Variants in SF3B1 observed in about 807,000 individuals in gnomAD.
SF3B1 encodes the protein pre-mRNA processing 10.
A neutral mutation model predicts 153.8 loss-of-function variants in SF3B1; 12 were observed. The observed-to-expected ratio is 0.08, with a 90% CI of 0.05 to 0.13. The LOEUF (loss-of-function observed/expected upper bound fraction) is 0.13. Among genes scored for constraint, SF3B1 ranks in the 10% least tolerant of loss-of-function variants. SF3B1 has a pLI of 1.00. For synonymous variants in SF3B1, 498 were observed against 525.2 expected, an observed-to-expected ratio of 0.95 and a Z score of 0.71; for missense variants, 513 against 1,606.1, an observed-to-expected ratio of 0.32 and a Z score of 11.63.
intron 23 of SF3B1, among the ~76,000 whole-genome samples, chr2:197,395,449 A>G (rs767844239): frequency 2.6e-5 from 4 of 152,240 alleles, no homozygotes; most frequent in Non-Finnish European, 4.4e-5. Flanking sequence ...AGAGCCAGTG[A>G]AACAGTTCTT....
intron 1 of SF3B1, 59 bp downstream of exon 1, chr2:197,434,913 A>G (rs2106031027): frequency 6.4e-7 from 1 of 1,562,958 alleles, no homozygotes; most frequent in Non-Finnish European, 8.8e-7. Context: ...ATCCTAGGAA[A>G]AAAGGCTTTT....
intron 22 of SF3B1, 107 bp from the exon 23 acceptor site, chr2:197,396,435 A>T: frequency 2.3e-6 from 2 of 858,450 alleles, no homozygotes; most frequent in Non-Finnish European, 3.5e-6. Flanking sequence ...AATTACAGGG[A>T]ACTCAGTAAT....
rs184406776 is a variant in SF3B1 at position 197,414,857 on chromosome 2, A to G, written c.666+1884T>C. 2.0e-3 allele frequency among the ~76,000 whole-genome samples: 298 copies of G among 152,134 alleles called. 3 individuals carry two copies. Among genetic ancestry groups the G allele is most frequent in the Admixed American group, 0.016 (247 of 15,258 alleles). ...CGTTTCTACAAAAAAATAAAAAACT[A>G]GCCAGGCATGGTGGTACGTGTCTAT... On this transcript the variant is annotated intron_variant, in intron 6 of 24. Coordinates refer to ENST00000335508, the MANE Select transcript of SF3B1 (RefSeq NM_012433.4).
intron 22 of SF3B1, among the ~76,000 whole-genome samples, chr2:197,397,214 GTGCCCAGA>G (rs879562863): frequency 2.0e-5 from 3 of 152,012 alleles, no homozygotes; most frequent in African/African-American, 7.2e-5. Flanking sequence ...TGTCGCCCAG[GTGCCCAGA>G]TGCCCAGGTT....
intron 6 of SF3B1, among the ~76,000 whole-genome samples, chr2:197,414,393 G>A (rs2085117227): frequency 6.6e-6 from 1 of 152,116 alleles, no homozygotes. Context: ...AAAAGACTCA[G>A]CACTACTATA....
rs2105987216 is a variant in SF3B1 at position 197,402,749 on chromosome 2, T to C, written c.1884A>G (p.Thr628=). The C allele has an allele frequency of 6.2e-7, 1 of 1,614,122 alleles. No individual in the cohort carries two copies. Among genetic ancestry groups the C allele is most frequent in the South Asian group, 1.1e-5 (1 of 91,082 alleles). Residue 628 remains threonine, a synonymous_variant, in exon 14 of 25, where the codon ACA becomes ACG. Transcript: ENST00000335508. The surrounding 1 kb of genome is among the most constrained non-coding windows in gnomAD (Gnocchi z 4.6). ...AGGCTACAACAGCAAAAGCTCTAGC[T>C]GTTGTGTTACGGACATACTCATCCA... ...DNMDEYVRNT[T]ARAFAVVASA...
intron 1 of SF3B1, among the ~76,000 whole-genome samples, chr2:197,428,933 T>C (rs2085380745): frequency 6.6e-6 from 1 of 151,344 alleles, no homozygotes; most frequent in Non-Finnish European, 1.5e-5. Flanking sequence ...ATCACGCCAC[T>C]GCACTCCAGC....
At chr2:197,419,050 CTA>C in intron 4 of SF3B1, 1 of 916,106 alleles carries the variant, frequency 1.1e-6, no homozygotes, top group Non-Finnish European at 1.7e-6. Flanking sequence ...CTACAAATAA[CTA>C]TGACTAGATA....
At position 197,408,579 on chromosome 2, in the gene SF3B1, T is replaced by A; in HGVS notation, c.907A>T (p.Thr303Ser). 6.2e-7 allele frequency: 1 copy of A among 1,608,098 alleles called. No homozygotes were observed. Among genetic ancestry groups the A allele is most frequent in the Non-Finnish European group, 8.5e-7 (1 of 1,176,266 alleles). The change falls in exon 8 of 25, where the codon ACT becomes TCT. Residue 303 changes from threonine (T) to serine (S), a missense_variant and splice_region_variant. Thr to Ser is a moderately conservative substitution (Grantham distance 58). This residue lies in a region of SF3B1 where 91 missense variants were observed against 157.4 expected (regional missense o/e 0.58). Coordinates refer to ENST00000335508, the MANE Select transcript of SF3B1 (RefSeq NM_012433.4). ...WDETPKTERDTPGHGSGWAET... is the reference protein window; with the variant it reads ...WDETPKTERDSPGHGSGWAET... ...GCCCATCCACTTCCATGCCCAGGAG[T>A]ATCTTTAAAAAGAAAGAGTGAGTAA...
intron 22 of SF3B1, 178 bp downstream of exon 22, chr2:197,397,807 A>AC (rs2084894056): frequency 2.1e-6 from 1 of 471,578 alleles, no homozygotes; most frequent in African/African-American, 2.0e-5. Context: ...AAAAAAAAAA[A>AC]AAAAGAATTT....
chr2:197,397,091 G>A (rs1226387498), intron 22 of SF3B1, among the ~76,000 whole-genome samples: 2 of 152,188 alleles, frequency 1.3e-5, no homozygotes, highest in Admixed American at 6.6e-5. Flanking sequence ...TTGTGATGGA[G>A]TGGAAGCAAA....
intron 6 of SF3B1, among the ~76,000 whole-genome samples, chr2:197,410,222 T>G (rs2085048026): frequency 6.6e-6 from 1 of 152,174 alleles, no homozygotes; most frequent in Non-Finnish European, 1.5e-5. Context: ...TCCGAAGCAC[T>G]GACAAAAGTC....
intron 9 of SF3B1, 135 bp from the exon 10 acceptor site, chr2:197,405,607 T>C: frequency 1.6e-6 from 1 of 642,346 alleles, no homozygotes. Flanking sequence ...TCTATCTTGC[T>C]TTTCTATCTT....
Position 197,405,485 on chromosome 2 carries a change from A to G in SF3B1, c.1240-13T>C, listed in dbSNP as rs760330866. On this transcript the variant is annotated splice_polypyrimidine_tract_variant and intron_variant, in intron 9 of 24. Coordinates refer to ENST00000335508, the MANE Select transcript of SF3B1 (RefSeq NM_012433.4). ...GAGGAGGAAGTACCTAATAAAAGTT[A>G]TAAGACAGTTTAGGATTTTCTTAAC... 4 of 1,582,582 alleles carry G rather than the reference A, an allele frequency of 2.5e-6. No homozygotes were observed. The highest frequency in any genetic ancestry group is 1.1e-5 in the South Asian group (1 of 88,672).
At position 197,413,815 on chromosome 2, in the gene SF3B1, T is replaced by C. The variant is rs541989695; in HGVS notation, c.666+2926A>G. ...TTATTGTTGTTCTTGTTTTGTTTTGTTTTTTTTTTTGAGACAGAGTCTCGC... is the reference window on the plus strand; with the variant it reads ...TTATTGTTGTTCTTGTTTTGTTTTGCTTTTTTTTTTGAGACAGAGTCTCGC... On this transcript the variant is annotated intron_variant, in intron 6 of 24. Coordinates refer to ENST00000335508, the MANE Select transcript of SF3B1 (RefSeq NM_012433.4). Among the ~76,000 whole-genome samples, 460 of 143,628 alleles carry C rather than the reference T, an allele frequency of 3.2e-3. 2 individuals are homozygous for C. Among genetic ancestry groups the C allele is most frequent in the African/African-American group, 0.011 (407 of 38,384 alleles). The allele number at this position is 143,628 out of a possible 152,430, so 94.2% of individuals were successfully genotyped here. A position where few individuals can be genotyped will look rare whatever the true frequency, so the allele number is the denominator to read the frequency against.
Position 197,404,909 on chromosome 2 carries a change from A to G in SF3B1, c.1539+167T>C, listed in dbSNP as rs908774730. 4 of 540,270 alleles carry G rather than the reference A, an allele frequency of 7.4e-6. No homozygotes were observed. In the South Asian group the frequency reaches 1.1e-4, roughly 15 times the overall value. 33.5% of individuals were successfully genotyped at this position (540,270 alleles called of 1,614,324 possible). A position where few individuals can be genotyped will look rare whatever the true frequency, so the allele number is the denominator to read the frequency against. ...AAAATATAAACATGGCCAGGTGCAG[A>G]GCCTCACACCTGTAATCCCAGCACT... On this transcript the variant is annotated intron_variant, in intron 11 of 24. Coordinates refer to ENST00000335508, the MANE Select transcript of SF3B1 (RefSeq NM_012433.4).
intron 23 of SF3B1, among the ~76,000 whole-genome samples, chr2:197,393,606 C>A (rs2084839630): frequency 6.6e-6 from 1 of 152,022 alleles, no homozygotes; most frequent in African/African-American, 2.4e-5. Context: ...GTGTGTGCCA[C>A]CACGCCTGCC....
chr2:197,422,876 T>C (rs2085268810), intron 2 of SF3B1, among the ~76,000 whole-genome samples: 1 of 149,630 alleles, frequency 6.7e-6, no homozygotes, highest in Non-Finnish European at 1.5e-5. Context: ...GGCAACAGAG[T>C]GAGACGAAAA....
chr2:197,419,806 C>G (rs1180186762), intron 4 of SF3B1: 1 of 225,402 alleles, frequency 4.4e-6, no homozygotes, highest in Non-Finnish European at 8.8e-6. Context: ...TTTTAAGAAA[C>G]AGGCACCTAA....
Sources: gnomAD v4.1 joint callset for allele counts (sites outside exome capture counted in the v4.1 genomes callset) on GRCh38, gnomAD v4.1.1 for gene constraint, gnomAD v4.1.1 regional missense constraint, Gnocchi (gnomAD v3.1) non-coding constraint, MANE v1.5 for transcripts, NCBI Gene and HGNC (gene_info 2026-07-23, HGNC 2026-07-21) for gene names.